Variants in RAPGEF2 observed in about 807,000 individuals in gnomAD.
RAPGEF2 encodes Rap guanine nucleotide exchange factor 2.
In RAPGEF2, 54 loss-of-function variants were observed where a neutral mutation model predicts 186.7. The ratio of observed to expected loss-of-function variants is 0.29; its 90% CI spans 0.23 to 0.36. The LOEUF (loss-of-function observed/expected upper bound fraction) is 0.36. Among genes scored for constraint, RAPGEF2 ranks in the 10% least tolerant of loss-of-function variants. The pLI is 1.00. For missense variants in RAPGEF2, 1,532 were observed against 2,045.0 expected (o/e 0.75, Z 4.84); for synonymous variants, 712 against 705.9 (o/e 1.01, Z -0.14).
intron 7 of RAPGEF2, among the ~76,000 whole-genome samples, chr4:159,293,448 A>G (rs1271255349): frequency 1.3e-5 from 2 of 152,220 alleles, no homozygotes; most frequent in Non-Finnish European, 2.9e-5. Context: ...ACTGGTTTTC[A>G]ATAAATGTCG....
chr4:159,356,075 A>C lies in RAPGEF2; in HGVS notation c.4874A>C (p.Asn1625Thr), dbSNP rs571832915. Residue 1625 changes from asparagine to threonine, a missense_variant, in exon 29 of 30, where the codon AAC becomes ACC. This residue lies in a region of RAPGEF2 where 594 missense variants were observed against 608.5 expected (regional missense o/e 0.98). Transcript: ENST00000691494. ...HGHPTSSRPV[N>T]KPQWHKPNES... Reference sequence around the variant, plus strand: ...CATCCCACCAGCAGCAGGCCTGTGAACAAACCTCAGTGGCATAAACCGAAC... The same window carrying C: ...CATCCCACCAGCAGCAGGCCTGTGACCAAACCTCAGTGGCATAAACCGAAC... 17 of 1,614,188 alleles carry C rather than the reference A, an allele frequency of 1.1e-5. No homozygotes were observed. The South Asian group carries it at 1.9e-4, about 18-fold the overall frequency.
chr4:159,308,482 T>C (rs1251061210), intron 8 of RAPGEF2, among the ~76,000 whole-genome samples: 1 of 152,230 alleles, frequency 6.6e-6, no homozygotes, highest in African/African-American at 2.4e-5. Flanking sequence ...AATCCTCTGC[T>C]TCTCTCCTGT....
At chr4:159,201,032 T>G (rs1360895091) in intron 3 of RAPGEF2, among the ~76,000 whole-genome samples, 6 of 152,240 alleles carry the variant, frequency 3.9e-5, no homozygotes, top group Non-Finnish European at 7.3e-5. Flanking sequence ...TGGCGTATAC[T>G]TCATGTTTTA....
chr4:159,184,321 T>A lies in RAPGEF2; in HGVS notation c.70-2321T>A, dbSNP rs557992754. Among the ~76,000 whole-genome samples the A allele has an allele frequency of 4.6e-5, 7 of 152,338 alleles. No individual in the cohort carries two copies. In the South Asian group the frequency reaches 8.3e-4, roughly 18 times the overall value. On this transcript the variant is annotated intron_variant, in intron 1 of 29. Coordinates refer to ENST00000691494, the MANE Select transcript of RAPGEF2 (RefSeq NM_001394067.2). ...AGATCCTTGAGGAATCGCCACACTG[T>A]CTTCCACAATCGTTGAACTAGTTTA...
At position 159,260,147 on chromosome 4, in the gene RAPGEF2, C is replaced by T. The variant is rs560009288; in HGVS notation, c.543+16356C>T. On this transcript the variant is annotated intron_variant, in intron 7 of 29. Coordinates refer to ENST00000691494, the MANE Select transcript of RAPGEF2 (RefSeq NM_001394067.2). ...GTATTACAGGTGTGCACCACAACGACTGGCTAATTTTTTATAGAGACGAGG... is the reference window on the plus strand; with the variant it reads ...GTATTACAGGTGTGCACCACAACGATTGGCTAATTTTTTATAGAGACGAGG... 7.9e-5 allele frequency among the ~76,000 whole-genome samples: 12 copies of T among 152,138 alleles called. No homozygotes were observed. In the South Asian group the frequency reaches 2.5e-3, roughly 32 times the overall value.
At chr4:159,333,131 C>A (rs1766928114) in intron 17 of RAPGEF2, among the ~76,000 whole-genome samples, 1 of 152,030 alleles carries the variant, frequency 6.6e-6, no homozygotes, top group Non-Finnish European at 1.5e-5. Context: ...AGATGCCTGC[C>A]ACTGCACCCG....
At chr4:159,259,954 TA>T (rs1243032910) in intron 7 of RAPGEF2, among the ~76,000 whole-genome samples, 1 of 152,104 alleles carries the variant, frequency 6.6e-6, no homozygotes, top group Non-Finnish European at 1.5e-5. Context: ...AGAAAACTTC[TA>T]TTGTCCTATT....
chr4:159,189,439 T>C (rs1238080837), intron 2 of RAPGEF2, among the ~76,000 whole-genome samples: 1 of 152,034 alleles, frequency 6.6e-6, no homozygotes, highest in Non-Finnish European at 1.5e-5. Flanking sequence ...TTAGTTTATA[T>C]AGGCAAGAAG....
intron 5 of RAPGEF2, among the ~76,000 whole-genome samples, chr4:159,240,672 T>G (rs1288464467): frequency 3.3e-5 from 5 of 152,066 alleles, no homozygotes; most frequent in Non-Finnish European, 2.9e-5. Flanking sequence ...TAAACAACAC[T>G]ATTTATAAAA....
At chr4:159,135,845 C>T (rs549847587) in intron 1 of RAPGEF2, among the ~76,000 whole-genome samples, 30 of 152,206 alleles carry the variant, frequency 2.0e-4, no homozygotes, top group South Asian at 6.2e-4. Context: ...GTAATCTGCC[C>T]GCCTCGGCCT....
chr4:159,269,333 G>A (rs1372315243), intron 7 of RAPGEF2, among the ~76,000 whole-genome samples: 2 of 152,160 alleles, frequency 1.3e-5, no homozygotes, highest in African/African-American at 4.8e-5. Flanking sequence ...GGCAGCGGCT[G>A]TGTTGGAAGC....
At chr4:159,293,760 A>G (rs1248501086) in intron 7 of RAPGEF2, among the ~76,000 whole-genome samples, 1 of 152,166 alleles carries the variant, frequency 6.6e-6, no homozygotes, top group Non-Finnish European at 1.5e-5. Flanking sequence ...TTCCTTCTAG[A>G]TAGTGGTTCA....
intron 1 of RAPGEF2, among the ~76,000 whole-genome samples, chr4:159,135,142 C>T (rs1303769701): frequency 6.6e-6 from 1 of 152,146 alleles, no homozygotes; most frequent in East Asian, 1.9e-4. Flanking sequence ...CTTCCAGGCT[C>T]AAGTGATTCT....
intron 7 of RAPGEF2, among the ~76,000 whole-genome samples, chr4:159,281,687 A>AG (rs1554025348): frequency 0.084 from 12,335 of 146,886 alleles, 1,873 homozygotes; most frequent in African/African-American, 0.29. Context: ...AAAAAAAAAA[A>AG]AAAGAAAAGG....
At chr4:159,198,314 CTT>C (rs749791748) in intron 3 of RAPGEF2, among the ~76,000 whole-genome samples, 19,914 of 68,814 alleles carry the variant, frequency 0.29, 2,681 homozygotes, top group Non-Finnish European at 0.31. Flanking sequence ...TTCTTTCTTT[CTT>C]TCTTTCTTTC....
At chr4:159,186,570 T>C (rs2111294248) in intron 1 of RAPGEF2, 72 bp from the exon 2 acceptor site, 1 of 715,314 alleles carries the variant, frequency 1.4e-6, no homozygotes, top group Non-Finnish European at 2.2e-6. Context: ...GGTTTGTAGA[T>C]ACAGTGTGAC....
chr4:159,280,986 C>CT lies in RAPGEF2; in HGVS notation c.544-23341dup, dbSNP rs376347355. ...GCGTAGACAAGTAATTTAACTACTT[C>CT]TTTTTTTTTTTTTTTCCTGAGACGG... On this transcript the variant is annotated intron_variant, in intron 7 of 29. Coordinates refer to ENST00000691494, the MANE Select transcript of RAPGEF2 (RefSeq NM_001394067.2). Among the ~76,000 whole-genome samples the CT allele has an allele frequency of 2.1e-3, 294 of 142,382 alleles. 3 individuals carry two copies. In the East Asian group the frequency reaches 0.026, roughly 13 times the overall value. The allele number at this position is 142,382 out of a possible 152,430, so 93.4% of individuals were successfully genotyped here.
chr4:159,165,947 T>G (rs1745262422), intron 1 of RAPGEF2, among the ~76,000 whole-genome samples: 1 of 152,080 alleles, frequency 6.6e-6, no homozygotes, highest in Admixed American at 6.6e-5. Flanking sequence ...ACAAGAAAGA[T>G]TTTTTTAAAA....
intron 26 of RAPGEF2, among the ~76,000 whole-genome samples, chr4:159,352,091 G>A (rs1272275472): frequency 1.3e-5 from 2 of 152,198 alleles, no homozygotes; most frequent in East Asian, 1.9e-4. Flanking sequence ...TGTGAAAAGT[G>A]CCCTTTAACT....
Sources: allele counts gnomAD v4.1 joint callset (sites outside exome capture counted in the v4.1 genomes callset), GRCh38; gene constraint gnomAD v4.1.1; regional missense constraint gnomAD v4.1.1; transcripts MANE v1.5; gene names NCBI Gene and HGNC (gene_info 2026-07-23, HGNC 2026-07-21).